ZFHX3: variants seen among roughly 807,000 people sequenced by gnomAD.
ZFHX3 encodes the protein zinc finger homeobox 3.
Under a neutral mutation model 279.1 loss-of-function variants are expected in ZFHX3, and 42 were observed. The observed-to-expected ratio is 0.15, with a 90% CI of 0.12 to 0.19. The LOEUF (loss-of-function observed/expected upper bound fraction) is 0.19. Ranked by LOEUF, ZFHX3 falls within the 10% of genes least tolerant of loss-of-function variation. ZFHX3 has a pLI of 1.00. For missense variants in ZFHX3, 4,981 were observed against 4,754.0 expected (o/e 1.05, Z -1.40); for synonymous variants, 2,293 against 1,957.8 (o/e 1.17, Z -4.52).
In ZFHX3 at chr16:73,683,831, T is replaced by C. The variant is rs1022100937; in HGVS notation, c.-1607-3591A>G. 3.9e-5 allele frequency among the ~76,000 whole-genome samples: 6 copies of C among 152,288 alleles called. No homozygotes were observed. In the Middle Eastern group the frequency reaches 0.01, roughly 259 times the overall value. On this transcript the variant is annotated intron_variant, in intron 1 of 17. Coordinates refer to the ZFHX3 transcript ENST00000641206. ...ATACACAGTAAGGAAATCCACAGAA[T>C]AGTATAATAGAATGTTATTTGTTGT...
intron 1 of ZFHX3, among the ~76,000 whole-genome samples, chr16:73,817,126 T>C (rs984354012): frequency 2.0e-4 from 30 of 152,162 alleles, no homozygotes; most frequent in African/African-American, 7.2e-4. Flanking sequence ...GCTTCCACCC[T>C]GGGTGACCAC....
chr16:72,787,752 GCCGCC>G lies in ZFHX3; in HGVS notation c.10519_10523del (p.Gly3507ArgfsTer62). The stretch of plus-strand genomic sequence containing the variant: ...CGCCGCCGCCACTGCCACCGCCGCC[GCCGCC>G]GGTGGGGACGTGAAGCACCATCTCT... On this transcript the variant is annotated frameshift_variant, in exon 10 of 10. Transcript: ENST00000268489. LOFTEE classifies it high-confidence loss of function. 6 of 1,419,346 alleles carry G rather than the reference GCCGCC, an allele frequency of 4.2e-6. No homozygotes were observed. Among genetic ancestry groups the G allele is most frequent in the Non-Finnish European group, 5.5e-6 (6 of 1,085,082 alleles). The allele number at this position is 1,419,346 out of a possible 1,614,324, so 87.9% of individuals were successfully genotyped here.
At chr16:73,545,406 T>A (rs1376844826) in intron 2 of ZFHX3, among the ~76,000 whole-genome samples, 2 of 152,034 alleles carry the variant, frequency 1.3e-5, no homozygotes, top group Non-Finnish European at 2.9e-5. Flanking sequence ...AGCACAGCGC[T>A]GGGCCGCCTC....
intron 1 of ZFHX3, among the ~76,000 whole-genome samples, chr16:73,721,830 A>C (rs1356045660): frequency 1.3e-5 from 2 of 152,198 alleles, no homozygotes; most frequent in East Asian, 3.8e-4. Context: ...AGATTGCTTG[A>C]GCCCAGGAGT....
chr16:73,070,806 G>A (rs1025942286), intron 8 of ZFHX3, among the ~76,000 whole-genome samples: 4 of 150,466 alleles, frequency 2.7e-5, no homozygotes, highest in Admixed American at 6.6e-5. Context: ...TCCAGCGCCC[G>A]GTCCCCTCCC....
intron 5 of ZFHX3, among the ~76,000 whole-genome samples, chr16:72,825,788 C>G (rs544883252): frequency 6.6e-6 from 1 of 152,298 alleles, no homozygotes; most frequent in African/African-American, 2.4e-5. Context: ...CTACTTAAAT[C>G]TAAATTCATT....
intron 2 of ZFHX3, among the ~76,000 whole-genome samples, chr16:73,645,901 C>A (rs1567541443): frequency 6.6e-6 from 1 of 152,092 alleles, no homozygotes; most frequent in African/African-American, 2.4e-5. Flanking sequence ...ACAGGGACGA[C>A]CATATCTTAG....
At chr16:73,577,096 G>C (rs1403513439) in intron 2 of ZFHX3, among the ~76,000 whole-genome samples, 4 of 152,194 alleles carry the variant, frequency 2.6e-5, no homozygotes, top group Non-Finnish European at 5.9e-5. Flanking sequence ...ATTTCTAGGT[G>C]TGATTGCTGA....
intron 2 of ZFHX3, among the ~76,000 whole-genome samples, chr16:73,494,213 G>A (rs886604216): frequency 2.6e-5 from 4 of 152,142 alleles, no homozygotes; most frequent in Non-Finnish European, 5.9e-5. Flanking sequence ...CCTAAGTGGC[G>A]ATTTGTGGTA....
At chr16:73,437,915 T>C (rs2018023427) in intron 3 of ZFHX3, among the ~76,000 whole-genome samples, 1 of 152,226 alleles carries the variant, frequency 6.6e-6, no homozygotes, top group South Asian at 2.1e-4. Context: ...GTAGTCTTTC[T>C]TATCATCATG....
intron 1 of ZFHX3, among the ~76,000 whole-genome samples, chr16:72,980,031 C>T (rs1355411812): frequency 3.9e-5 from 6 of 152,196 alleles, no homozygotes; most frequent in African/African-American, 9.7e-5. Flanking sequence ...CCCTATTTCC[C>T]GGATCTCTTT....
chr16:73,880,500 T>C (rs1311170492), intron 1 of ZFHX3, among the ~76,000 whole-genome samples: 1 of 152,050 alleles, frequency 6.6e-6, no homozygotes, highest in Non-Finnish European at 1.5e-5. Flanking sequence ...TAAGAAAAGA[T>C]GAGATTGGGA....
At chr16:72,923,636 C>T (rs1959265887) in intron 3 of ZFHX3, among the ~76,000 whole-genome samples, 1 of 151,858 alleles carries the variant, frequency 6.6e-6, no homozygotes, top group African/African-American at 2.4e-5. Flanking sequence ...ACAGACACCA[C>T]CAGGAGCACC....
rs1413209707 is a variant in ZFHX3 at position 72,959,705 on chromosome 16, C to T, written c.441G>A (p.Leu147=). 1 of 1,613,780 alleles carries T rather than the reference C, an allele frequency of 6.2e-7. No homozygotes were observed. The highest frequency in any genetic ancestry group is 8.5e-7 in the Non-Finnish European group (1 of 1,180,006). ...PDGSAYIVES[L]SQLTQGGGAC... ...CGCCCCCGCCCTGGGTCAGCTGGCTCAGGCTCTCCACAATGTACGCGGAGC... is the reference window on the plus strand; with the variant it reads ...CGCCCCCGCCCTGGGTCAGCTGGCTTAGGCTCTCCACAATGTACGCGGAGC... Residue 147 remains leucine (L), a synonymous_variant, in exon 2 of 10, where the codon CTG becomes CTA. Coordinates refer to ENST00000268489, the MANE Select transcript of ZFHX3 (RefSeq NM_006885.4).
intron 2 of ZFHX3, among the ~76,000 whole-genome samples, chr16:73,539,535 G>A (rs1597374442): frequency 7.7e-6 from 1 of 129,724 alleles, no homozygotes; most frequent in African/African-American, 3.0e-5. Context: ...TTCCCTCTCT[G>A]TTTCTTTAAA....
In ZFHX3 at chr16:72,795,924, T is replaced by C; in HGVS notation, c.6758A>G (p.Gln2253Arg). ...RSSRTRFTDY[Q>R]LRVLQDFFDA... is the part of the protein sequence containing the mutation. ...GAAGAAGTCCTGTAAGACCCTCAGC[T>C]GGTAGTCCGTAAACCTTGTTCTTGA... is the stretch of plus-strand genomic sequence containing the variant. Residue 2253 changes from glutamine (Q) to arginine (R), a missense_variant, in exon 9 of 10, where the codon CAG (glutamine) becomes CGG (arginine). Around this residue, in one of 7 missense-constraint regions of ZFHX3, gnomAD observed 177 missense variants for 244.2 expected, o/e 0.72. Transcript: ENST00000268489. The C allele has an allele frequency of 6.2e-7, 1 of 1,614,180 alleles. No individual in the cohort carries two copies. The highest frequency in any genetic ancestry group is 8.5e-7 in the Non-Finnish European group (1 of 1,180,030).
chr16:73,529,417 A>G (rs1402824530), intron 2 of ZFHX3, among the ~76,000 whole-genome samples: 1 of 152,210 alleles, frequency 6.6e-6, no homozygotes, highest in African/African-American at 2.4e-5. Context: ...CACTCATGTG[A>G]TGTGTTCAAA....
chr16:72,791,547 T>C (rs1172346265), intron 9 of ZFHX3: 1 of 152,214 alleles, frequency 6.6e-6, no homozygotes, highest in Non-Finnish European at 1.5e-5. Context: ...CCCTAGCTTG[T>C]TGAATGGTCT....
chr16:73,126,374 G>A (rs1235446267), intron 7 of ZFHX3, among the ~76,000 whole-genome samples: 1 of 152,160 alleles, frequency 6.6e-6, no homozygotes, highest in Non-Finnish European at 1.5e-5. Flanking sequence ...CCTAGATGGA[G>A]GGAAGAGACA....
Sources: allele counts gnomAD v4.1 joint callset (sites outside exome capture counted in the v4.1 genomes callset), GRCh38; gene constraint gnomAD v4.1.1; regional missense constraint gnomAD v4.1.1; transcripts MANE v1.5; gene names NCBI Gene and HGNC (gene_info 2026-07-23, HGNC 2026-07-21).